Variants in MAP2K3 observed in about 807,000 individuals in gnomAD.
The protein encoded by MAP2K3 is mitogen-activated protein kinase kinase 3.
MAP2K3 carries 30 observed loss-of-function variants against 46.4 expected under a neutral mutation model. The observed-to-expected ratio is 0.65, with a 90% confidence interval of 0.48 to 0.88. The LOEUF is 0.88. Ranked by LOEUF, MAP2K3 falls within the 40% of genes least tolerant of loss-of-function variation. MAP2K3 has a pLI of 0.00. For missense variants in MAP2K3, 380 were observed against 464.5 expected, an observed-to-expected ratio of 0.82 and a Z score of 1.67; for synonymous variants, 189 against 176.3, an observed-to-expected ratio of 1.07 and a Z score of -0.57.
At chr17:21,297,276 C>T (rs1976310889) in intron 1 of MAP2K3, among the ~76,000 whole-genome samples, 2 of 152,310 alleles carry the variant, frequency 1.3e-5, no homozygotes, top group African/African-American at 2.4e-5. Context: ...CTGGGGTCTT[C>T]TTGGCAGGCG....
At chr17:21,307,732 C>A (rs1281778312) in intron 9 of MAP2K3, among the ~76,000 whole-genome samples, 1 of 148,930 alleles carries the variant, frequency 6.7e-6, no homozygotes, top group African/African-American at 2.5e-5. Flanking sequence ...GGCTGGAGTG[C>A]AATGGGACGA....
intron 1 of MAP2K3, among the ~76,000 whole-genome samples, chr17:21,285,861 C>A (rs561188567): frequency 2.7e-5 from 4 of 150,524 alleles, no homozygotes; most frequent in African/African-American, 9.8e-5. Context: ...ATTTGTCATG[C>A]GGAGGGGGAA....
chr17:21,310,971 T>C (rs1370820317), intron 9 of MAP2K3, among the ~76,000 whole-genome samples: 12 of 152,244 alleles, frequency 7.9e-5, no homozygotes, highest in African/African-American at 2.9e-4. Flanking sequence ...ATGGGGTACT[T>C]GCTCTACATA....
In MAP2K3 at chr17:21,302,177, C is replaced by A; in HGVS notation, c.434C>A (p.Thr145Lys). The change falls in exon 6 of 12, where the codon ACA (threonine) becomes AAA (lysine). Residue 145 changes from threonine (T) to lysine (K), a missense_variant. This residue lies in a region of MAP2K3 where 294 missense variants were observed against 275.4 expected (regional missense o/e 1.07). Coordinates refer to ENST00000342679, the MANE Select transcript of MAP2K3 (RefSeq NM_145109.3). The stretch of plus-strand genomic sequence containing the variant: ...TGGATCTGCATGGAGCTCATGGACA[C>A]ATCCTTGGACAAGTTCTACCGGAAG... Reference protein sequence around the residue: ...DVWICMELMDTSLDKFYRKVL... With the variant: ...DVWICMELMDKSLDKFYRKVL... The A allele has an allele frequency of 6.2e-7, 1 of 1,614,224 alleles. No homozygotes were observed. The highest frequency in any genetic ancestry group is 1.1e-5 in the South Asian group (1 of 91,088).
intron 9 of MAP2K3, among the ~76,000 whole-genome samples, chr17:21,306,184 A>T (rs1976883598): frequency 6.6e-6 from 1 of 152,352 alleles, no homozygotes; most frequent in East Asian, 1.9e-4. Context: ...TGCCCCCAAC[A>T]TCACACACCA....
Position 21,302,221 on chromosome 17 carries a change from A to G in MAP2K3, c.478A>G (p.Thr160Ala), listed in dbSNP as rs113110874. 1 of 1,586,876 alleles carries G rather than the reference A, an allele frequency of 6.3e-7. No homozygotes were observed. Among genetic ancestry groups the G allele is most frequent in the Non-Finnish European group, 8.6e-7 (1 of 1,161,920 alleles). ...CCGGAAGGTGCTGGATAAAAACATG[A>G]CAATTCCAGAGGACATCCTTGGGGA... ...FYRKVLDKNM[T>A]IPEDILGEIA... Residue 160 changes from threonine (T) to alanine (A), a missense_variant, in exon 6 of 12, where the codon ACA (threonine) becomes GCA (alanine). Physicochemically the swap from Thr to Ala is moderately conservative, Grantham distance 58 (BLOSUM62 0). Transcript: ENST00000342679.
At position 21,314,768 on chromosome 17, in the gene MAP2K3, C is replaced by T. The variant is rs550328022; in HGVS notation, c.*538C>T. 2.3e-4 allele frequency: 36 copies of T among 153,894 alleles called. No homozygotes were observed. Among genetic ancestry groups the T allele is most frequent in the Middle Eastern group, 3.4e-3 (1 of 294 alleles). 9.5% of individuals were successfully genotyped at this position (153,894 alleles called of 1,614,324 possible). A position where few individuals can be genotyped will look rare whatever the true frequency, so the allele number is the denominator to read the frequency against. On this transcript the variant is annotated 3_prime_UTR_variant, in exon 12 of 12. Coordinates refer to ENST00000342679, the MANE Select transcript of MAP2K3 (RefSeq NM_145109.3). Reference sequence around the variant, plus strand: ...GGGAGATGCCATGAGCCGCCCAAGGCCTTCCCCTGGCACTGGCAAACAGGG... The same window carrying T: ...GGGAGATGCCATGAGCCGCCCAAGGTCTTCCCCTGGCACTGGCAAACAGGG...
At chr17:21,288,056 G>T (rs1029910047) in intron 1 of MAP2K3, 11 of 1,289,120 alleles carry the variant, frequency 8.5e-6, no homozygotes, top group Admixed American at 2.3e-5. Flanking sequence ...GTTGGCCCGT[G>T]TGAGGAGAAG....
At chr17:21,297,572 C>T (rs1976328903) in intron 1 of MAP2K3, among the ~76,000 whole-genome samples, 1 of 152,308 alleles carries the variant, frequency 6.6e-6, no homozygotes. Context: ...GCGGCTATGC[C>T]TTATTCAAAG....
chr17:21,303,121 T>G, intron 6 of MAP2K3, 62 bp from the exon 7 acceptor site: 1 of 1,607,964 alleles, frequency 6.2e-7, no homozygotes, highest in Non-Finnish European at 8.5e-7. Flanking sequence ...TGCTCTGTCG[T>G]TTTTGACGTG....
Position 21,284,899 on chromosome 17 carries a change from C to A in MAP2K3, c.-22C>A, listed in dbSNP as rs777774213. On this transcript the variant is annotated 5_prime_UTR_variant, in exon 1 of 12. Coordinates refer to ENST00000342679, the MANE Select transcript of MAP2K3 (RefSeq NM_145109.3). The stretch of plus-strand genomic sequence containing the variant: ...CAGTCCTCTAGATTAGTCTCCACCG[C>A]CGTCCAGGACCCACTTGCAGCATGG... 1 of 1,611,818 alleles carries A rather than the reference C, an allele frequency of 6.2e-7. No homozygotes were observed. Among genetic ancestry groups the A allele is most frequent in the South Asian group, 1.1e-5 (1 of 90,860 alleles).
intron 9 of MAP2K3, among the ~76,000 whole-genome samples, chr17:21,307,341 T>C (rs1976939151): frequency 6.6e-6 from 1 of 152,284 alleles, no homozygotes. Flanking sequence ...ACCAAATAAA[T>C]TCCTTTTTAT....
chr17:21,298,784 T>TC, intron 2 of MAP2K3, 94 bp from the exon 3 acceptor site: 1 of 1,586,012 alleles, frequency 6.3e-7, no homozygotes. Flanking sequence ...AGGCACCTCG[T>TC]CCCCACGCCA....
chr17:21,298,366 T>A, intron 1 of MAP2K3, 47 bp from the exon 2 acceptor site: 1 of 1,612,972 alleles, frequency 6.2e-7, no homozygotes, highest in Non-Finnish European at 8.5e-7. Flanking sequence ...GCAGGGGACA[T>A]TGATGTCAAG....
At chr17:21,288,207 G>A (rs1975779603) in intron 1 of MAP2K3, 2 of 778,602 alleles carry the variant, frequency 2.6e-6, no homozygotes, top group African/African-American at 3.6e-5. Flanking sequence ...TACGTGTCCT[G>A]CAGGTGGCAC....
chr17:21,299,353 A>G (rs1354052632), intron 3 of MAP2K3, among the ~76,000 whole-genome samples: 2 of 152,312 alleles, frequency 1.3e-5, no homozygotes, highest in African/African-American at 2.4e-5. Flanking sequence ...ATCCTGGCTC[A>G]GGGACCGTGC....
intron 3 of MAP2K3, 116 bp from the exon 4 acceptor site, chr17:21,300,409 GGAGCGGTGGATATGAGGTTT>G: frequency 3.5e-6 from 3 of 856,058 alleles, no homozygotes. Flanking sequence ...CACACAGCAG[GGAGCGGTGGATATGAGGTTT>G]GAGCCCAGAT....
At chr17:21,310,622 G>C (rs530836371) in intron 9 of MAP2K3, among the ~76,000 whole-genome samples, 3 of 152,248 alleles carry the variant, frequency 2.0e-5, no homozygotes, top group Admixed American at 2.0e-4. Flanking sequence ...AACAGACAGG[G>C]GTCATGCCGG....
intron 7 of MAP2K3, 102 bp downstream of exon 7, chr17:21,303,336 T>C: frequency 1.3e-6 from 2 of 1,512,096 alleles, no homozygotes; most frequent in Non-Finnish European, 1.8e-6. Flanking sequence ...CTCCGAGAGG[T>C]GATAGGTTGT....
Sources: allele counts gnomAD v4.1 joint callset (sites outside exome capture counted in the v4.1 genomes callset), GRCh38; gene constraint gnomAD v4.1.1; regional missense constraint gnomAD v4.1.1; transcripts MANE v1.5; gene names NCBI Gene and HGNC (gene_info 2026-07-23, HGNC 2026-07-21).